USH2A: variants seen among roughly 807,000 people sequenced by gnomAD.
USH2A encodes the protein Usher syndrome 2A (autosomal recessive, mild).
Under a neutral mutation model 538.9 loss-of-function variants are expected in USH2A, and 443 were observed. The ratio of observed to expected loss-of-function variants is 0.82; its 90% confidence interval spans 0.76 to 0.89. The LOEUF is 0.89. Among genes scored for constraint, USH2A ranks in the 40% least tolerant of loss-of-function variants. The pLI is 0.00. For missense variants in USH2A, 6,633 were observed against 6,324.8 expected (o/e 1.05, Z -1.65); for synonymous variants, 2,413 against 2,273.5 (o/e 1.06, Z -1.75).
At chr1:216,362,910 G>T (rs926009176) in intron 4 of USH2A, among the ~76,000 whole-genome samples, 8 of 151,006 alleles carry the variant, frequency 5.3e-5, no homozygotes, top group African/African-American at 1.9e-4. Context: ...CTGCACTCCA[G>T]CCTGGGCGAC....
At chr1:215,996,558 A>ATTTTTTTT (rs1668143682) in intron 34 of USH2A, among the ~76,000 whole-genome samples, 1 of 46,068 alleles carries the variant, frequency 2.2e-5, no homozygotes, top group African/African-American at 9.8e-5. Context: ...GCAACATATT[A>ATTTTTTTT]TGTTTTTTTT....
chr1:216,088,002 A>G (rs2032188278), intron 23 of USH2A, among the ~76,000 whole-genome samples: 1 of 152,096 alleles, frequency 6.6e-6, no homozygotes. Flanking sequence ...GGTCCCATAT[A>G]ATCTGATCCC....
At chr1:216,341,191 T>C (rs888407985) in intron 4 of USH2A, among the ~76,000 whole-genome samples, 1 of 152,028 alleles carries the variant, frequency 6.6e-6, no homozygotes, top group Admixed American at 6.6e-5. Flanking sequence ...AGCATTTCTA[T>C]ACACCAAAAA....
chr1:215,991,277 G>T (rs1013863582), intron 35 of USH2A, among the ~76,000 whole-genome samples: 2 of 152,170 alleles, frequency 1.3e-5, no homozygotes, highest in African/African-American at 4.8e-5. Context: ...TGAGTCACAA[G>T]TTGGTAGTAA....
chr1:216,289,352 C>T lies in USH2A; in HGVS notation c.1899G>A (p.Ser633=), dbSNP rs764507682. ...CACAGGGTTTGCAAACATCTATGGC[C>T]GAAGGATCTGCACCAACTTGTCGGA... The part of the protein sequence containing the change: ...YFFRQVGADP[S]AIDVCKPCDC... Residue 633 remains serine, a synonymous_variant, in exon 11 of 72, where the codon TCG becomes TCA. Transcript: ENST00000307340. The T allele has an allele frequency of 1.5e-5, 25 of 1,613,926 alleles. No homozygotes were observed. The highest frequency in any genetic ancestry group is 1.8e-5 in the Non-Finnish European group (21 of 1,179,872).
At chr1:216,354,919 C>T (rs370258199) in intron 4 of USH2A, among the ~76,000 whole-genome samples, 1 of 151,876 alleles carries the variant, frequency 6.6e-6, no homozygotes, top group East Asian at 1.9e-4. Context: ...TTAAGCAAAC[C>T]TCAAGCAGGA....
chr1:215,634,757 C>T, intron 69 of USH2A, 54 bp from the exon 70 acceptor site: 2 of 1,613,682 alleles, frequency 1.2e-6, no homozygotes, highest in Admixed American at 3.3e-5. Flanking sequence ...GCATTTTTGT[C>T]ATCTCTGGCC....
chr1:215,924,895 A>T (rs1209128010), intron 38 of USH2A, among the ~76,000 whole-genome samples: 1 of 151,936 alleles, frequency 6.6e-6, no homozygotes, highest in Non-Finnish European at 1.5e-5. Flanking sequence ...AAATATGGAG[A>T]GCTGGCAGCC....
intron 30 of USH2A, among the ~76,000 whole-genome samples, chr1:216,051,343 T>C (rs2030777996): frequency 6.6e-6 from 1 of 152,196 alleles, no homozygotes; most frequent in South Asian, 2.1e-4. Context: ...AAGCTTCATT[T>C]TTCCATTTTG....
intron 57 of USH2A, 61 bp from the exon 58 acceptor site, chr1:215,758,813 T>C: frequency 6.4e-7 from 1 of 1,561,534 alleles, no homozygotes; most frequent in Non-Finnish European, 8.8e-7. Flanking sequence ...TGAACAATGA[T>C]TACTAGTTTT....
rs1293911635 is a variant in USH2A at position 215,977,569 on chromosome 1, T to C, written c.6806-6793A>G. Among the ~76,000 whole-genome samples the C allele has an allele frequency of 2.0e-5, 3 of 152,240 alleles. No individual in the cohort carries two copies. In the East Asian group the frequency reaches 5.8e-4, roughly 29 times the overall value. On this transcript the variant is annotated intron_variant, in intron 35 of 71. Coordinates refer to ENST00000307340, the MANE Select transcript of USH2A (RefSeq NM_206933.4). ...TAGCCTAGGCTGGAGTACAGTGGCATGATCTCGGCTCACTGCAACCTCCGC... is the reference window on the plus strand; with the variant it reads ...TAGCCTAGGCTGGAGTACAGTGGCACGATCTCGGCTCACTGCAACCTCCGC...
At chr1:216,075,903 G>GAA (rs142705447) in intron 27 of USH2A, among the ~76,000 whole-genome samples, 2 of 144,524 alleles carry the variant, frequency 1.4e-5, no homozygotes, top group African/African-American at 2.6e-5. Flanking sequence ...AGCTTCTGAT[G>GAA]AAAAAAAAAA....
In USH2A at chr1:215,816,343, T is replaced by C. The variant is rs1244234725; in HGVS notation, c.9570+654A>G. ...CTAAATTTGTGTCAGCCATAATAAT[T>C]TGTATTTTGATCCATATTGCTTCAG... On this transcript the variant is annotated intron_variant, in intron 48 of 71. Transcript: ENST00000307340. 2.6e-5 allele frequency among the ~76,000 whole-genome samples: 4 copies of C among 152,080 alleles called. No individual in the cohort carries two copies. In the East Asian group the frequency reaches 5.8e-4, roughly 22 times the overall value.
At position 215,680,338 on chromosome 1, in the gene USH2A, T is replaced by C; in HGVS notation, c.12105A>G (p.Pro4035=). The change falls in exon 62 of 72, where the codon CCA becomes CCG. Residue 4035 remains proline (P), a synonymous_variant. Transcript: ENST00000307340. ...CAACACCAATGCGATATGTTGTGAA[T>C]GGTTCTAACCCGTACAGGTGGGCTT... ...SHQAHLYGLE[P]FTTYRIGVVA... 1.2e-6 allele frequency: 2 copies of C among 1,614,094 alleles called. No homozygotes were observed. The highest frequency in any genetic ancestry group is 2.2e-5 in the South Asian group (2 of 91,086).
chr1:215,762,070 G>A (rs1190842320), intron 56 of USH2A, among the ~76,000 whole-genome samples: 1 of 152,126 alleles, frequency 6.6e-6, no homozygotes, highest in African/African-American at 2.4e-5. Flanking sequence ...AACTTTCTAA[G>A]GAGCAATATA....
intron 13 of USH2A, among the ~76,000 whole-genome samples, chr1:216,244,780 G>A (rs1349144758): frequency 6.6e-6 from 1 of 152,128 alleles, no homozygotes. Context: ...TCATTGGAAG[G>A]ACCAAAGGGA....
intron 21 of USH2A, among the ~76,000 whole-genome samples, chr1:216,163,547 C>A (rs142586391): frequency 6.6e-6 from 1 of 151,490 alleles, no homozygotes; most frequent in Non-Finnish European, 1.5e-5. Context: ...ATTGAATGCC[C>A]GACATTGTAT....
chr1:216,185,672 G>T (rs568944547), intron 20 of USH2A, among the ~76,000 whole-genome samples: 1 of 151,872 alleles, frequency 6.6e-6, no homozygotes, highest in African/African-American at 2.4e-5. Context: ...AACAGAGCAG[G>T]ATGAACAGTA....
At chr1:216,287,029 A>T (rs1197703686) in intron 11 of USH2A, among the ~76,000 whole-genome samples, 1 of 152,228 alleles carries the variant, frequency 6.6e-6, no homozygotes, top group Non-Finnish European at 1.5e-5. Flanking sequence ...ATGAATACAG[A>T]TGTAAAATCC....
Sources: allele counts gnomAD v4.1 joint callset (sites outside exome capture counted in the v4.1 genomes callset), GRCh38; gene constraint gnomAD v4.1.1; transcripts MANE v1.5; gene names NCBI Gene and HGNC (gene_info 2026-07-23, HGNC 2026-07-21).